Variants in ARB2A observed in about 807,000 individuals in gnomAD.
ARB2A encodes the protein ARB2 cotranscriptional regulator A, also known as cotranscriptional regulator ARB2A.
At chr5:93,783,663 G>A in the ARB2A span, among the ~76,000 whole-genome samples, 1 of 152,140 alleles carries the variant, frequency 6.6e-6, no homozygotes, top group South Asian at 2.1e-4. Flanking sequence ...GATGCCAACT[G>A]CTTAGAATAT....
chr5:93,876,022 A>C, the ARB2A span, among the ~76,000 whole-genome samples: 5 of 152,212 alleles, frequency 3.3e-5, no homozygotes. Context: ...AGATGCTTTA[A>C]AAAATAATCT....
chr5:93,881,899 A>G, the ARB2A span, among the ~76,000 whole-genome samples: 208 of 151,394 alleles, frequency 1.4e-3, 1 homozygote, highest in African/African-American at 4.7e-3. Flanking sequence ...AGCTTTTATT[A>G]TTTATAAGAA....
chr5:93,637,949 T>C, the ARB2A span, among the ~76,000 whole-genome samples: 2 of 152,148 alleles, frequency 1.3e-5, no homozygotes, highest in African/African-American at 4.8e-5. Context: ...ATGTGGGTGG[T>C]TAACATGTCA....
At chr5:93,619,679 T>C in the ARB2A span, 1 of 152,232 alleles carries the variant, frequency 6.6e-6, no homozygotes. Flanking sequence ...AATTAAAATA[T>C]AATGTGAAAT....
the ARB2A span, among the ~76,000 whole-genome samples, chr5:93,786,095 C>T: frequency 1.1e-4 from 17 of 152,234 alleles, no homozygotes; most frequent in South Asian, 1.9e-3. Flanking sequence ...TAAGAACATG[C>T]CTTTCTGGTA....
the ARB2A span, among the ~76,000 whole-genome samples, chr5:94,093,326 T>G: frequency 6.6e-6 from 1 of 152,064 alleles, no homozygotes; most frequent in East Asian, 1.9e-4. Context: ...ATACACAGGG[T>G]GGGTTAAACA....
chr5:94,074,878 CT>C, the ARB2A span: 2 of 638,722 alleles, frequency 3.1e-6, no homozygotes, highest in African/African-American at 3.7e-5. Flanking sequence ...TAATTTCCCA[CT>C]TTGTTGATGC....
the ARB2A span, among the ~76,000 whole-genome samples, chr5:94,008,302 T>C: frequency 6.6e-6 from 1 of 152,218 alleles, no homozygotes. Flanking sequence ...ACAGGCAATA[T>C]AGCTCCACAC....
At chr5:93,665,687 G>C in the ARB2A span, among the ~76,000 whole-genome samples, 1 of 152,178 alleles carries the variant, frequency 6.6e-6, no homozygotes, top group Non-Finnish European at 1.5e-5. Context: ...ATTTAACACA[G>C]ACCACTGCAA....
chr5:93,854,070 C>G, the ARB2A span, among the ~76,000 whole-genome samples: 485 of 152,168 alleles, frequency 3.2e-3, 4 homozygotes, highest in African/African-American at 0.011. Flanking sequence ...GAATTTGGCT[C>G]TGAATCCATC....
the ARB2A span, among the ~76,000 whole-genome samples, chr5:93,696,296 T>A: frequency 6.6e-6 from 1 of 152,228 alleles, no homozygotes; most frequent in African/African-American, 2.4e-5. Context: ...GTCAACCTCC[T>A]TTTTTGCTAT....
the ARB2A span, among the ~76,000 whole-genome samples, chr5:93,939,409 G>A: frequency 1.3e-5 from 2 of 152,160 alleles, no homozygotes; most frequent in Non-Finnish European, 2.9e-5. Flanking sequence ...CTTAAGTTGT[G>A]TCCTTTATTT....
At chr5:93,853,699 G>T in the ARB2A span, among the ~76,000 whole-genome samples, 2 of 152,152 alleles carry the variant, frequency 1.3e-5, no homozygotes, top group African/African-American at 4.8e-5. Flanking sequence ...GGCCTTTTCT[G>T]CATCTATTGA....
At chr5:94,056,964 A>G in the ARB2A span, among the ~76,000 whole-genome samples, 1 of 152,210 alleles carries the variant, frequency 6.6e-6, no homozygotes, top group African/African-American at 2.4e-5. Flanking sequence ...GCCTCATCCA[A>G]CTGGATGAAA....
chr5:93,920,486 C>T, the ARB2A span, among the ~76,000 whole-genome samples: 36 of 152,082 alleles, frequency 2.4e-4, no homozygotes, highest in Middle Eastern at 0.01. Flanking sequence ...TTTGGGGGGA[C>T]TTGTGACAAT....
At chr5:94,044,158 T>G in the ARB2A span, among the ~76,000 whole-genome samples, 1 of 152,232 alleles carries the variant, frequency 6.6e-6, no homozygotes, top group Non-Finnish European at 1.5e-5. Flanking sequence ...ATTCTGGGCA[T>G]GTATTGGAAT....
the ARB2A span, among the ~76,000 whole-genome samples, chr5:93,914,790 A>C: frequency 6.6e-6 from 1 of 152,058 alleles, no homozygotes; most frequent in East Asian, 1.9e-4. Flanking sequence ...AGGGTTATTA[A>C]GAATAACTTG....
the ARB2A span, among the ~76,000 whole-genome samples, chr5:94,090,577 G>A: frequency 2.6e-5 from 4 of 152,166 alleles, no homozygotes; most frequent in East Asian, 7.7e-4. Flanking sequence ...TAGGAGTGGT[G>A]AGAGAGGGCA....
the ARB2A span, among the ~76,000 whole-genome samples, chr5:93,945,201 G>C: frequency 6.6e-6 from 1 of 152,094 alleles, no homozygotes; most frequent in African/African-American, 2.4e-5. Flanking sequence ...CCAAGACTTT[G>C]AGAGGCTGAG....
Sources: allele counts gnomAD v4.1 joint callset (sites outside exome capture counted in the v4.1 genomes callset), GRCh38; gene constraint gnomAD v4.1.1; transcripts MANE v1.5; gene names NCBI Gene and HGNC (gene_info 2026-07-23, HGNC 2026-07-21).